Variants in VPS13A observed in about 807,000 individuals in gnomAD.
The protein encoded by VPS13A is intermembrane lipid transfer protein VPS13A.
In VPS13A, 264 loss-of-function variants were observed where a neutral mutation model predicts 390.9. The observed-to-expected ratio is 0.68, with a 90% CI of 0.61 to 0.75. The LOEUF is 0.75. Among genes scored for constraint, VPS13A ranks in the 30% least tolerant of loss-of-function variants. The pLI is 0.00. For synonymous variants in VPS13A, 1,231 were observed against 1,227.1 expected (o/e 1.00, Z -0.07); for missense variants, 3,409 against 3,733.9 (o/e 0.91, Z 2.27).
chr9:77,196,134 T>C (rs920952318), intron 1 of VPS13A, among the ~76,000 whole-genome samples: 3 of 152,190 alleles, frequency 2.0e-5, no homozygotes, highest in Admixed American at 2.0e-4. Flanking sequence ...ATTTATTTTA[T>C]TTATTTATTG....
chr9:77,179,161 AG>A (rs1823846292), intron 1 of VPS13A, among the ~76,000 whole-genome samples: 1 of 152,232 alleles, frequency 6.6e-6, no homozygotes, highest in Non-Finnish European at 1.5e-5. Flanking sequence ...TTTGATCTGT[AG>A]TGGAGTCTTG....
At chr9:77,213,060 A>G (rs1262803209) in intron 8 of VPS13A, 32 bp downstream of exon 8, 2 of 1,612,396 alleles carry the variant, frequency 1.2e-6, no homozygotes, top group Non-Finnish European at 8.5e-7. Flanking sequence ...CAACTCATGG[A>G]CTTAAGAGAA....
chr9:77,211,538 A>T (rs2131147508), intron 7 of VPS13A: 1 of 152,228 alleles, frequency 6.6e-6, no homozygotes, highest in African/African-American at 2.4e-5. Context: ...TTATTTTTAA[A>T]TTGGGCAGCC....
At chr9:77,281,771 C>T (rs937950222) in intron 27 of VPS13A, 96 bp from the exon 28 acceptor site, 2 of 719,868 alleles carry the variant, frequency 2.8e-6, no homozygotes, top group African/African-American at 1.8e-5. Flanking sequence ...ATATGAACAG[C>T]TGGAAAATTA....
intron 65 of VPS13A, 103 bp downstream of exon 65, chr9:77,370,681 T>A: frequency 6.5e-7 from 1 of 1,527,048 alleles, no homozygotes; most frequent in Non-Finnish European, 9.0e-7. Flanking sequence ...CTTAAATTAT[T>A]ATTTGGATAT....
Position 77,221,336 on chromosome 9 carries a change from G to A in VPS13A, c.1141G>A (p.Glu381Lys). The change falls in exon 13 of 72, where the codon GAA becomes AAA. Residue 381 changes from glutamate to lysine, a missense_variant. Coordinates refer to ENST00000360280, the MANE Select transcript of VPS13A (RefSeq NM_033305.3). ...GTTAACAAGTAAGAAGCCACCTGGT[G>A]AACTTCTCGTGTCTTTGGAGGTTAG... Reference protein sequence around the residue: ...KKLTSKKPPGELLVSLEELEK... With the variant: ...KKLTSKKPPGKLLVSLEELEK... The A allele has an allele frequency of 1.2e-6, 2 of 1,612,932 alleles. No individual in the cohort carries two copies. Among genetic ancestry groups the A allele is most frequent in the Non-Finnish European group, 1.7e-6 (2 of 1,179,362 alleles).
At chr9:77,320,363 C>T (rs1829669489) in intron 42 of VPS13A, among the ~76,000 whole-genome samples, 1 of 152,060 alleles carries the variant, frequency 6.6e-6, no homozygotes, top group Non-Finnish European at 1.5e-5. Flanking sequence ...TGGATGTTTG[C>T]ATGTGTGCAG....
At chr9:77,294,557 T>C (rs1389590426) in intron 32 of VPS13A, among the ~76,000 whole-genome samples, 1 of 152,212 alleles carries the variant, frequency 6.6e-6, no homozygotes, top group African/African-American at 2.4e-5. Context: ...TTCATTTGAA[T>C]GTATTTGGGA....
chr9:77,308,105 T>C lies in VPS13A; in HGVS notation c.4114+7T>C. ...GCTTCACACCATTCAGGAGGTATGT[T>C]TTTAACTTCAAATTTCTTTCTGCTT... On this transcript the variant is annotated splice_region_variant and intron_variant, in intron 35 of 71. Coordinates refer to ENST00000360280, the MANE Select transcript of VPS13A (RefSeq NM_033305.3). 6.2e-7 allele frequency: 1 copy of C among 1,613,706 alleles called. No homozygotes were observed. Among genetic ancestry groups the C allele is most frequent in the Non-Finnish European group, 8.5e-7 (1 of 1,179,768 alleles).
chr9:77,239,335 G>A (rs953320641), intron 19 of VPS13A, among the ~76,000 whole-genome samples: 9 of 151,236 alleles, frequency 6.0e-5, no homozygotes, highest in Admixed American at 5.3e-4. Flanking sequence ...TAGAGACCAG[G>A]TTTCACCAGC....
chr9:77,227,547 G>A (rs1823585546), intron 16 of VPS13A, 62 bp downstream of exon 16: 2 of 1,321,238 alleles, frequency 1.5e-6, no homozygotes, highest in Admixed American at 1.9e-5. Context: ...TTTAGAGACA[G>A]GGTCTCACTC....
intron 54 of VPS13A, among the ~76,000 whole-genome samples, chr9:77,355,394 C>T (rs1797021463): frequency 1.3e-5 from 2 of 152,146 alleles, no homozygotes; most frequent in African/African-American, 4.8e-5. Flanking sequence ...TCTTCCTATC[C>T]AGTCTCATTC....
At chr9:77,343,657 T>C (rs1830968315) in intron 50 of VPS13A, among the ~76,000 whole-genome samples, 1 of 152,226 alleles carries the variant, frequency 6.6e-6, no homozygotes, top group Admixed American at 6.5e-5. Flanking sequence ...TTTCCTACTC[T>C]GAACTTTGAA....
At chr9:77,282,075 A>G in intron 28 of VPS13A, 46 bp from the exon 29 acceptor site, 1 of 1,596,690 alleles carries the variant, frequency 6.3e-7, no homozygotes, top group Admixed American at 1.7e-5. Context: ...AGAGCTGGCA[A>G]GCAAATATTT....
rs1216956054 is a variant in VPS13A at position 77,314,733 on chromosome 9, C to A, written c.4412+69C>A. On this transcript the variant is annotated intron_variant, in intron 37 of 71. Transcript: ENST00000360280. ...TTGATATATTTTACAGAATTCATCT[C>A]CAGAATTGCACGTTCATTTTCTGAG... 5 of 1,491,218 alleles carry A rather than the reference C, an allele frequency of 3.4e-6. No homozygotes were observed. The East Asian group carries it at 6.8e-5, about 20-fold the overall frequency. The allele number at this position is 1,491,218 out of a possible 1,614,324, so 92.4% of individuals were successfully genotyped here.
At chr9:77,319,497 G>C in intron 41 of VPS13A, 75 bp from the exon 42 acceptor site, 3 of 1,013,334 alleles carry the variant, frequency 3.0e-6, no homozygotes, top group Non-Finnish European at 4.6e-6. Context: ...TTATATAGAA[G>C]AAATAACAGG....
chr9:77,285,428 G>A (rs902757050), intron 31 of VPS13A, among the ~76,000 whole-genome samples: 1 of 152,010 alleles, frequency 6.6e-6, no homozygotes, highest in African/African-American at 2.4e-5. Flanking sequence ...TATGCCATAA[G>A]GTAAAAAGGA....
At chr9:77,326,047 GT>G (rs1215767299) in intron 45 of VPS13A, among the ~76,000 whole-genome samples, 1 of 152,046 alleles carries the variant, frequency 6.6e-6, no homozygotes, top group Non-Finnish European at 1.5e-5. Flanking sequence ...GATTGGCAGG[GT>G]TTTTCCCCCC....
intron 34 of VPS13A, 113 bp from the exon 35 acceptor site, chr9:77,307,832 G>A: frequency 1.2e-6 from 1 of 831,714 alleles, no homozygotes; most frequent in Non-Finnish European, 1.9e-6. Context: ...TTTAATTGGT[G>A]TGGTAGAGGA....
Sources: allele counts gnomAD v4.1 joint callset (sites outside exome capture counted in the v4.1 genomes callset), GRCh38; gene constraint gnomAD v4.1.1; transcripts MANE v1.5; gene names NCBI Gene and HGNC (gene_info 2026-07-23, HGNC 2026-07-21).